The following SORD variants were observed in gnomAD, a reference collection of about 807,000 sequenced individuals.
SORD encodes the protein sorbitol dehydrogenase.
Under a neutral mutation model 35.6 loss-of-function variants are expected in SORD, and 18 were observed. That is an observed-to-expected ratio of 0.51 (90% confidence interval 0.35 to 0.75). The LOEUF (loss-of-function observed/expected upper bound fraction) is 0.75, where lower values mean the gene tolerates loss of function less well. SORD is among the 30% of genes least tolerant of loss of function. SORD has a pLI of 0.01. For missense variants in SORD, 250 were observed against 390.2 expected, an observed-to-expected ratio of 0.64 and a Z score of 3.03; for synonymous variants, 106 against 152.9, an observed-to-expected ratio of 0.69 and a Z score of 2.26.
chr15:45,027,540 G>A (rs987075453), intron 1 of SORD, among the ~76,000 whole-genome samples: 2 of 152,232 alleles, frequency 1.3e-5, no homozygotes, highest in Admixed American at 6.5e-5. Context: ...CCCTGAGGAC[G>A]GACACTTAAA....
intron 1 of SORD, among the ~76,000 whole-genome samples, chr15:45,027,898 A>G (rs1892703285): frequency 6.6e-6 from 1 of 152,264 alleles, no homozygotes. Flanking sequence ...TGCCTACTGC[A>G]TTCCAGGCAT....
At chr15:45,034,262 T>TGGGGGAA (rs1555408990) in intron 1 of SORD, among the ~76,000 whole-genome samples, 1 of 151,940 alleles carries the variant, frequency 6.6e-6, no homozygotes, top group Non-Finnish European at 1.5e-5. Context: ...ACGCAGCTGG[T>TGGGGGAA]GGGGGAAGCC....
rs182677708 is a variant in SORD at position 45,059,731 on chromosome 15, T to C, written c.266-1336T>C. 2.9e-3 allele frequency among the ~76,000 whole-genome samples: 446 copies of C among 152,312 alleles called. 2 individuals are homozygous for C. The highest frequency in any genetic ancestry group is 4.0e-3 in the Non-Finnish European group (271 of 68,012). On this transcript the variant is annotated intron_variant, in intron 3 of 8. Coordinates refer to ENST00000267814, the MANE Select transcript of SORD (RefSeq NM_003104.6). ...TTGAACTCCTGGGTTCAAGTGATCC[T>C]CCTGCCTTGACCTCCCAAAGTGCTG...
chr15:45,074,373 G>C lies in SORD; in HGVS notation c.*843G>C, dbSNP rs3100133. On this transcript the variant is annotated 3_prime_UTR_variant, in exon 9 of 9. Transcript: ENST00000267814. ...ACCTCACCAGAGACCAGGAGGGTTT[G>C]GTTAGCTCACAGGACTTCCCCCACC... The C allele has an allele frequency of 6.7e-6, 1 of 148,550 alleles. No homozygotes were observed. The highest frequency in any genetic ancestry group is 1.5e-5 in the Non-Finnish European group (1 of 67,888). The allele number at this position is 148,550 out of a possible 1,614,324, so 9.2% of individuals were successfully genotyped here. A position where few individuals can be genotyped will look rare whatever the true frequency, so the allele number is the denominator to read the frequency against.
At chr15:45,048,509 G>A (rs1893080025) in intron 3 of SORD, among the ~76,000 whole-genome samples, 1 of 152,110 alleles carries the variant, frequency 6.6e-6, no homozygotes, top group South Asian at 2.1e-4. Context: ...GGGGGTTTGA[G>A]ACTAGCCTGG....
intron 3 of SORD, among the ~76,000 whole-genome samples, chr15:45,053,913 C>T (rs1031662136): frequency 1.4e-5 from 2 of 137,996 alleles, no homozygotes; most frequent in South Asian, 2.5e-4. Context: ...TTTGTCCTTG[C>T]GATAGTTTAC....
chr15:45,063,344 C>T (rs1480617003), intron 4 of SORD, among the ~76,000 whole-genome samples: 1 of 152,064 alleles, frequency 6.6e-6, no homozygotes, highest in Admixed American at 6.6e-5. Context: ...ATTGTAAAAA[C>T]TACCAAGTTG....
At chr15:45,030,910 G>C (rs1249849617) in intron 1 of SORD, among the ~76,000 whole-genome samples, 1 of 152,210 alleles carries the variant, frequency 6.6e-6, no homozygotes, top group Non-Finnish European at 1.5e-5. Context: ...TCAGGTTCCA[G>C]CCTACTTGTG....
chr15:45,029,095 G>C (rs2443998), intron 1 of SORD, among the ~76,000 whole-genome samples: 31,249 of 150,866 alleles, frequency 0.21, no homozygotes, highest in African/African-American at 0.44. Context: ...AAAAGAGAAT[G>C]TGAAAATCCT....
chr15:45,045,597 A>G (rs1893035809), intron 3 of SORD, among the ~76,000 whole-genome samples: 1 of 151,816 alleles, frequency 6.6e-6, no homozygotes, highest in African/African-American at 2.4e-5. Context: ...AATTACAGAT[A>G]TGAGAGTAAC....
At chr15:45,025,231 G>A (rs1429649203) in intron 1 of SORD, among the ~76,000 whole-genome samples, 1 of 152,214 alleles carries the variant, frequency 6.6e-6, no homozygotes, top group Non-Finnish European at 1.5e-5. Flanking sequence ...AAAGAGTTCA[G>A]AGGAGGATTT....
intron 3 of SORD, among the ~76,000 whole-genome samples, chr15:45,058,278 C>T (rs942431953): frequency 3.9e-5 from 6 of 152,160 alleles, no homozygotes; most frequent in Non-Finnish European, 7.4e-5. Context: ...CCAGGACCTC[C>T]TTCCAACCCT....
At chr15:45,034,385 C>T (rs1324679545) in intron 1 of SORD, among the ~76,000 whole-genome samples, 1 of 152,066 alleles carries the variant, frequency 6.6e-6, no homozygotes. Flanking sequence ...GAGGCTGTTG[C>T]TACAACCCAA....
intron 1 of SORD, among the ~76,000 whole-genome samples, chr15:45,025,189 C>G (rs959416169): frequency 1.4e-4 from 22 of 152,142 alleles, no homozygotes; most frequent in African/African-American, 4.8e-4. Flanking sequence ...AGAATTTCAC[C>G]TTTGGTTGTG....
chr15:45,052,711 C>A (rs1893144891), intron 3 of SORD, among the ~76,000 whole-genome samples: 1 of 152,172 alleles, frequency 6.6e-6, no homozygotes, highest in Non-Finnish European at 1.5e-5. Context: ...GCTGCCCCCA[C>A]CACCCAGAGA....
At chr15:45,066,733 T>C (rs1295635160) in intron 5 of SORD, among the ~76,000 whole-genome samples, 1 of 152,202 alleles carries the variant, frequency 6.6e-6, no homozygotes, top group Non-Finnish European at 1.5e-5. Flanking sequence ...GTGATTTTCT[T>C]TGGCTGGCCA....
At chr15:45,065,148 C>A (rs1893384092) in intron 4 of SORD, 123 bp from the exon 5 acceptor site, 2 of 872,964 alleles carry the variant, frequency 2.3e-6, no homozygotes, top group Non-Finnish European at 3.6e-6. Context: ...TTGCTCTGCA[C>A]ATAAATAAAT....
intron 2 of SORD, among the ~76,000 whole-genome samples, chr15:45,041,293 A>T (rs981520973): frequency 6.6e-6 from 1 of 152,032 alleles, no homozygotes; most frequent in Non-Finnish European, 1.5e-5. Context: ...CATCCCTGGA[A>T]TTCCACTTTG....
At chr15:45,028,985 G>A (rs74011311) in intron 1 of SORD, among the ~76,000 whole-genome samples, 31,866 of 150,720 alleles carry the variant, frequency 0.21, 6 homozygotes, top group African/African-American at 0.44. Flanking sequence ...GATTAAAGGG[G>A]CTGATAGTCA....
Sources: allele counts gnomAD v4.1 joint callset (sites outside exome capture counted in the v4.1 genomes callset), GRCh38; gene constraint gnomAD v4.1.1; transcripts MANE v1.5; gene names NCBI Gene and HGNC (gene_info 2026-07-23, HGNC 2026-07-21).